Variants in SNX9 observed in about 807,000 individuals in gnomAD.
The protein encoded by SNX9 is sorting nexin-9.
In SNX9, 44 loss-of-function variants were observed where a neutral mutation model predicts 89.4. The observed-to-expected ratio is 0.49, with a 90% confidence interval of 0.39 to 0.63. The LOEUF is 0.63. Ranked by LOEUF, SNX9 falls within the 30% of genes least tolerant of loss-of-function variation. SNX9 has a pLI of 0.00. For missense variants in SNX9, 578 were observed against 736.1 expected (o/e 0.79, Z 2.49); for synonymous variants, 236 against 247.8 (o/e 0.95, Z 0.45).
chr6:157,876,012 A>ATTCTT (rs1782512304), intron 4 of SNX9, among the ~76,000 whole-genome samples: 1 of 152,096 alleles, frequency 6.6e-6, no homozygotes, highest in Non-Finnish European at 1.5e-5. Flanking sequence ...AAGAATTAAA[A>ATTCTT]TATTGTTAAC....
chr6:157,937,920 TA>T (rs1412215252), intron 15 of SNX9, among the ~76,000 whole-genome samples: 1 of 152,218 alleles, frequency 6.6e-6, no homozygotes, highest in Non-Finnish European at 1.5e-5. Flanking sequence ...AGGGGTACCA[TA>T]GGTAAATTAG....
intron 1 of SNX9, among the ~76,000 whole-genome samples, chr6:157,849,338 C>T (rs558746871): frequency 6.6e-6 from 1 of 152,292 alleles, no homozygotes; most frequent in South Asian, 2.1e-4. Context: ...CTTTATAAGC[C>T]ATGCTTATTA....
intron 1 of SNX9, among the ~76,000 whole-genome samples, chr6:157,851,371 A>G (rs959141679): frequency 5.9e-5 from 9 of 152,308 alleles, no homozygotes; most frequent in African/African-American, 1.9e-4. Context: ...AAAATTTACC[A>G]TTTTAAGTAT....
chr6:157,832,497 G>A (rs1781496369), intron 1 of SNX9, among the ~76,000 whole-genome samples: 3 of 152,196 alleles, frequency 2.0e-5, no homozygotes, highest in Admixed American at 6.5e-5. Context: ...GTCTTGAAAT[G>A]TCTGTGTATT....
At chr6:157,833,408 T>A (rs1278600219) in intron 1 of SNX9, among the ~76,000 whole-genome samples, 1 of 152,188 alleles carries the variant, frequency 6.6e-6, no homozygotes, top group Non-Finnish European at 1.5e-5. Flanking sequence ...TTTTTAATGC[T>A]TACACATAGT....
In SNX9 at chr6:157,909,751, T is replaced by C. The variant is rs201872345; in HGVS notation, c.792T>C (p.Tyr264=). 1.7e-4 allele frequency: 267 copies of C among 1,614,062 alleles called. No individual in the cohort carries two copies. The highest frequency in any genetic ancestry group is 2.2e-4 in the Non-Finnish European group (257 of 1,180,032). ...ATCCCAGGAAAGGCTCCAAAATGTATGGTCTAAAGAGCTACATCGAATATC... is the reference window on the plus strand; with the variant it reads ...ATCCCAGGAAAGGCTCCAAAATGTACGGTCTAAAGAGCTACATCGAATATC... ...VADPRKGSKM[Y]GLKSYIEYQL... is the part of the protein sequence containing the mutation. The change falls in exon 8 of 18, where the codon TAT becomes TAC. Residue 264 remains tyrosine, a synonymous_variant. Transcript: ENST00000392185.
At position 157,902,425 on chromosome 6, in the gene SNX9, G is replaced by A. The variant is rs182629228; in HGVS notation, c.620+380G>A. 2.3e-3 allele frequency among the ~76,000 whole-genome samples: 350 copies of A among 152,232 alleles called. 2 individuals are homozygous for A. Among genetic ancestry groups the A allele is most frequent in the Non-Finnish European group, 1.7e-3 (114 of 68,010 alleles). On this transcript the variant is annotated intron_variant, in intron 6 of 17. Transcript: ENST00000392185. ...TTTGTTAATCACTTGCCATGTGCCAGGCATTGTGCAGAGAGGTTTGTATCA... is the reference window on the plus strand; with the variant it reads ...TTTGTTAATCACTTGCCATGTGCCAAGCATTGTGCAGAGAGGTTTGTATCA...
intron 1 of SNX9, among the ~76,000 whole-genome samples, chr6:157,840,639 A>T (rs1211257334): frequency 6.6e-6 from 1 of 152,144 alleles, no homozygotes; most frequent in East Asian, 1.9e-4. Flanking sequence ...ATTGTATCTT[A>T]TTAAAGCCAC....
At chr6:157,870,443 C>G (rs777472791) in intron 2 of SNX9, among the ~76,000 whole-genome samples, 1 of 151,876 alleles carries the variant, frequency 6.6e-6, no homozygotes. Context: ...TGCTGTCACA[C>G]AGATGCAGCA....
At chr6:157,923,428 TA>T (rs71788446) in intron 10 of SNX9, among the ~76,000 whole-genome samples, 4 of 148,142 alleles carry the variant, frequency 2.7e-5, no homozygotes, top group Middle Eastern at 3.3e-3. Context: ...ATTGAAAATC[TA>T]AAAAAAAAAT....
rs563438978 is a variant in SNX9 at position 157,840,951 on chromosome 6, G to C, written c.12+17505G>C. Among the ~76,000 whole-genome samples, 35 of 152,284 alleles carry C rather than the reference G, an allele frequency of 2.3e-4. No homozygotes were observed. In the South Asian group the frequency reaches 7.0e-3, roughly 31 times the overall value. On this transcript the variant is annotated intron_variant, in intron 1 of 17. Transcript: ENST00000392185. Reference sequence around the variant, plus strand: ...CATAGACATAAGCAAAGTACTTGCAGACTGCTGGATTTCTGACTGATGAAA... The same window carrying C: ...CATAGACATAAGCAAAGTACTTGCACACTGCTGGATTTCTGACTGATGAAA...
At chr6:157,824,851 C>A (rs1372355659) in intron 1 of SNX9, among the ~76,000 whole-genome samples, 1 of 152,148 alleles carries the variant, frequency 6.6e-6, no homozygotes, top group South Asian at 2.1e-4. Flanking sequence ...AAAACTTAGG[C>A]CAAGGATTTC....
intron 9 of SNX9, among the ~76,000 whole-genome samples, chr6:157,911,083 A>G (rs1410390004): frequency 1.1e-4 from 16 of 151,940 alleles, no homozygotes; most frequent in African/African-American, 3.6e-4. Context: ...ACCGCACTCC[A>G]GCCCAGGCGA....
intron 12 of SNX9, among the ~76,000 whole-genome samples, chr6:157,930,467 A>G (rs1201217160): frequency 6.6e-6 from 1 of 152,210 alleles, no homozygotes; most frequent in Non-Finnish European, 1.5e-5. Flanking sequence ...CCCAATCCCC[A>G]GGCCATGGAC....
At chr6:157,932,026 CGAAA>C in intron 12 of SNX9, among the ~76,000 whole-genome samples, 165 bp from the exon 13 acceptor site, 1 of 152,128 alleles carries the variant, frequency 6.6e-6, no homozygotes, top group Admixed American at 6.5e-5. Flanking sequence ...TTAAAATAAT[CGAAA>C]GAAATCAATT....
At chr6:157,927,930 A>AACAC (rs71689763) in intron 11 of SNX9, among the ~76,000 whole-genome samples, 3,652 of 148,952 alleles carry the variant, frequency 0.025, 65 homozygotes, top group African/African-American at 0.037. Flanking sequence ...ATAGACAAGT[A>AACAC]ACACACACAC....
At chr6:157,852,811 C>CGA (rs1562594577) in intron 1 of SNX9, among the ~76,000 whole-genome samples, 1 of 152,076 alleles carries the variant, frequency 6.6e-6, no homozygotes, top group Non-Finnish European at 1.5e-5. Flanking sequence ...TGAGTTTGTG[C>CGA]GATCTGTCCA....
chr6:157,841,976 T>C (rs76614164), intron 1 of SNX9, among the ~76,000 whole-genome samples: 4,730 of 152,262 alleles, frequency 0.031, 126 homozygotes, highest in Non-Finnish European at 0.045. Flanking sequence ...TTGTTTCCTC[T>C]AGCCTCCCCT....
At chr6:157,926,098 A>G (rs1293730688) in intron 10 of SNX9, among the ~76,000 whole-genome samples, 2 of 152,202 alleles carry the variant, frequency 1.3e-5, no homozygotes, top group African/African-American at 4.8e-5. Context: ...TCTTAATATT[A>G]TCACATTGGC....
Sources: gnomAD v4.1 joint callset for allele counts (sites outside exome capture counted in the v4.1 genomes callset) on GRCh38, gnomAD v4.1.1 for gene constraint, MANE v1.5 for transcripts, NCBI Gene and HGNC (gene_info 2026-07-23, HGNC 2026-07-21) for gene names.